The following REV3L variants were observed in gnomAD, a reference collection of about 807,000 sequenced individuals.
REV3L encodes REV3 like, DNA directed polymerase zeta catalytic subunit.
A neutral mutation model predicts 299.4 loss-of-function variants in REV3L; 69 were observed. The ratio of observed to expected loss-of-function variants is 0.23; its 90% CI spans 0.19 to 0.28. The LOEUF is 0.28. REV3L is among the 10% of genes least tolerant of loss of function. The pLI is 1.00. For missense variants in REV3L, 3,128 were observed against 3,693.8 expected, an observed-to-expected ratio of 0.85 and a Z score of 3.97; for synonymous variants, 1,238 against 1,271.4, an observed-to-expected ratio of 0.97 and a Z score of 0.56.
At position 111,405,534 on chromosome 6, in the gene REV3L, G is replaced by A. The variant is rs938040148; in HGVS notation, c.501C>T (p.Tyr167=). ...IPYLLQLFID[Y]NLYGMNLINL... ...TTATTAAATTCATGCCATAAAGATT[G>A]TAGTCAATGAAGAGCTGTAGGAGGT... The change falls in exon 4 of 32, where the codon TAC becomes TAT. Residue 167 remains tyrosine, a synonymous_variant. Coordinates refer to ENST00000368802, the MANE Select transcript of REV3L (RefSeq NM_001372078.1). 1.4e-5 allele frequency: 22 copies of A among 1,609,128 alleles called. No homozygotes were observed. Among genetic ancestry groups the A allele is most frequent in the Non-Finnish European group, 1.9e-5 (22 of 1,177,754 alleles).
At chr6:111,365,372 T>C (rs1779086875) in intron 14 of REV3L, 28 bp from the exon 15 acceptor site, 2 of 1,339,848 alleles carry the variant, frequency 1.5e-6, no homozygotes, top group Non-Finnish European at 1.0e-6. Context: ...ATATTTAACA[T>C]GTATATCAAA....
intron 24 of REV3L, chr6:111,330,238 C>T (rs1413510181): frequency 4.5e-6 from 2 of 449,156 alleles, no homozygotes; most frequent in Non-Finnish European, 9.0e-6. Context: ...ACCTGCAGTT[C>T]CAGGGACTCT....
At chr6:111,396,311 G>A (rs900500661) in intron 4 of REV3L, among the ~76,000 whole-genome samples, 4 of 151,706 alleles carry the variant, frequency 2.6e-5, no homozygotes, top group African/African-American at 9.7e-5. Context: ...ACAGGCATGA[G>A]CCACTGTGCC....
chr6:111,395,239 T>G (rs1390937463), intron 4 of REV3L, among the ~76,000 whole-genome samples: 1 of 152,214 alleles, frequency 6.6e-6, no homozygotes, highest in African/African-American at 2.4e-5. Flanking sequence ...TCTATTTCCA[T>G]GAAGAATGTC....
chr6:111,391,871 C>G (rs1781969762), intron 5 of REV3L, among the ~76,000 whole-genome samples: 1 of 152,198 alleles, frequency 6.6e-6, no homozygotes, highest in Non-Finnish European at 1.5e-5. Context: ...CACCTATAGT[C>G]CTAGATTCTT....
Position 111,406,254 on chromosome 6 carries a change from C to T in REV3L, c.405-624G>A, listed in dbSNP as rs17539343. 2.6e-5 allele frequency among the ~76,000 whole-genome samples: 4 copies of T among 152,114 alleles called. No homozygotes were observed. The South Asian group carries it at 6.2e-4, about 24-fold the overall frequency. ...CTCTGAAGAGAGGGAAGAGTATTCA[C>T]GTAAATAAAACTGCACATGTAAAGG... On this transcript the variant is annotated intron_variant, in intron 3 of 31. Coordinates refer to ENST00000368802, the MANE Select transcript of REV3L (RefSeq NM_001372078.1).
In REV3L at chr6:111,333,385, G is replaced by A. The variant is rs781722927; in HGVS notation, c.7681-18C>T. On this transcript the variant is annotated intron_variant, in intron 22 of 31. Coordinates refer to ENST00000368802, the MANE Select transcript of REV3L (RefSeq NM_001372078.1). Reference sequence around the variant, plus strand: ...ACACGGTACTGCAGGGAGAAAGGGAGGTGAGAAGAGAAGAAACACAGTTAA... The same window carrying A: ...ACACGGTACTGCAGGGAGAAAGGGAAGTGAGAAGAGAAGAAACACAGTTAA... The A allele has an allele frequency of 6.2e-7, 1 of 1,610,960 alleles. No individual in the cohort carries two copies. The highest frequency in any genetic ancestry group is 2.2e-5 in the East Asian group (1 of 44,776).
chr6:111,395,835 T>C (rs1782442196), intron 4 of REV3L, among the ~76,000 whole-genome samples: 1 of 152,160 alleles, frequency 6.6e-6, no homozygotes, highest in South Asian at 2.1e-4. Context: ...TTTTCAGACA[T>C]GATGTTCATT....
chr6:111,470,591 A>G (rs1792078313), intron 1 of REV3L, among the ~76,000 whole-genome samples: 1 of 152,216 alleles, frequency 6.6e-6, no homozygotes, highest in South Asian at 2.1e-4. Context: ...CTATAATAAC[A>G]TGGCTTCTAT....
At chr6:111,360,113 C>T (rs1778495279) in intron 16 of REV3L, among the ~76,000 whole-genome samples, 1 of 152,088 alleles carries the variant, frequency 6.6e-6, no homozygotes, top group Admixed American at 6.6e-5. Context: ...GGACAGGTTA[C>T]ATAAATTATG....
In REV3L at chr6:111,322,508, A is replaced by G; in HGVS notation, c.8351+61T>C. On this transcript the variant is annotated intron_variant, in intron 26 of 31. Transcript: ENST00000368802. Reference sequence around the variant, plus strand: ...GAAAAGATTCCCTTAAGCCATTTTAAACACTGAAATGAAGATCTAGAGAGA... The same window carrying G: ...GAAAAGATTCCCTTAAGCCATTTTAGACACTGAAATGAAGATCTAGAGAGA... 4 of 1,255,234 alleles carry G rather than the reference A, an allele frequency of 3.2e-6. 1 individual carries two copies. The Admixed American group carries it at 7.1e-5, about 22-fold the overall frequency. 77.8% of individuals were successfully genotyped at this position (1,255,234 alleles called of 1,614,324 possible). A position where few individuals can be genotyped will look rare whatever the true frequency, so the allele number is the denominator to read the frequency against.
chr6:111,476,714 A>G (rs1235007176), intron 1 of REV3L, among the ~76,000 whole-genome samples: 1 of 152,228 alleles, frequency 6.6e-6, no homozygotes, highest in Non-Finnish European at 1.5e-5. Context: ...TTTACATACA[A>G]GTAAGAATAA....
intron 5 of REV3L, among the ~76,000 whole-genome samples, chr6:111,391,818 C>A (rs1024138465): frequency 4.6e-5 from 7 of 152,086 alleles, no homozygotes; most frequent in African/African-American, 1.4e-4. Flanking sequence ...TAAGACCTCA[C>A]CTCTACAAAA....
intron 28 of REV3L, chr6:111,312,486 T>C (rs1049710115): frequency 1.3e-5 from 2 of 152,164 alleles, no homozygotes; most frequent in Non-Finnish European, 1.5e-5. Flanking sequence ...TTATAGCTAA[T>C]TGTTTGGAAA....
At chr6:111,461,278 C>A (rs758074043) in intron 1 of REV3L, among the ~76,000 whole-genome samples, 4 of 151,598 alleles carry the variant, frequency 2.6e-5, no homozygotes, top group Non-Finnish European at 5.9e-5. Context: ...GGGCCTAGGG[C>A]TAATGTATTT....
intron 1 of REV3L, among the ~76,000 whole-genome samples, chr6:111,438,014 A>ATTTTTTT (rs113741430): frequency 2.7e-5 from 4 of 146,744 alleles, no homozygotes; most frequent in Non-Finnish European, 4.5e-5. Flanking sequence ...CACCTGCCTA[A>ATTTTTTT]TTTTTTTTTT....
At chr6:111,408,200 G>GC in intron 3 of REV3L, among the ~76,000 whole-genome samples, 1 of 152,296 alleles carries the variant, frequency 6.6e-6, no homozygotes, top group South Asian at 2.1e-4. Flanking sequence ...GGAATAGGCA[G>GC]CGAGGAGAGA....
intron 9 of REV3L, among the ~76,000 whole-genome samples, chr6:111,383,122 G>A (rs916811570): frequency 7.2e-5 from 11 of 152,120 alleles, no homozygotes; most frequent in Admixed American, 7.2e-4. Flanking sequence ...TGCAGGCCTC[G>A]GGTGAGACCC....
chr6:111,377,796 G>A lies in REV3L; in HGVS notation c.1502C>T (p.Ser501Leu), dbSNP rs1328943223. 1.4e-5 allele frequency: 23 copies of A among 1,613,228 alleles called. No homozygotes were observed. Among genetic ancestry groups the A allele is most frequent in the Non-Finnish European group, 2.0e-5 (23 of 1,179,484 alleles). ...CCATTCCATTTCTTCTCCTGAAGAT[G>A]AGTCATCATCTTCAGTTGAACTTCT... ...THRSSTEDDD[S>L]SSGEEMEWSD... The change falls in exon 12 of 32, where the codon TCA becomes TTA. Residue 501 changes from serine (S) to leucine (L), a missense_variant. Ser to Leu is a moderately radical substitution (Grantham distance 145). Around this residue, in one of 9 missense-constraint regions of REV3L, gnomAD observed 2,409 missense variants for 2,611.8 expected, o/e 0.92. Coordinates refer to ENST00000368802, the MANE Select transcript of REV3L (RefSeq NM_001372078.1).
Sources: allele counts gnomAD v4.1 joint callset (sites outside exome capture counted in the v4.1 genomes callset), GRCh38; gene constraint gnomAD v4.1.1; regional missense constraint gnomAD v4.1.1; transcripts MANE v1.5; gene names NCBI Gene and HGNC (gene_info 2026-07-23, HGNC 2026-07-21).